CHD9: variants seen among roughly 807,000 people sequenced by gnomAD.
The protein encoded by CHD9 is chromodomain helicase DNA binding protein 9, also known as ATP-dependent chromatin remodeler CHD9.
CHD9 carries 77 observed loss-of-function variants against 316.1 expected under a neutral mutation model. The observed-to-expected ratio is 0.24, with a 90% CI of 0.20 to 0.29. CHD9 has a LOEUF of 0.29. CHD9 is among the 10% of genes least tolerant of loss of function. The pLI is 1.00. For missense variants in CHD9, 2,763 were observed against 3,438.1 expected, an observed-to-expected ratio of 0.80 and a Z score of 4.91; for synonymous variants, 1,129 against 1,158.3, an observed-to-expected ratio of 0.97 and a Z score of 0.51.
At chr16:53,072,606 G>A (rs963328194) in intron 1 of CHD9, among the ~76,000 whole-genome samples, 4 of 151,610 alleles carry the variant, frequency 2.6e-5, no homozygotes, top group Non-Finnish European at 5.9e-5. Flanking sequence ...GAACTCCTGG[G>A]TTCAAGCAAT....
At chr16:53,154,326 A>G (rs1597188169) in intron 1 of CHD9, among the ~76,000 whole-genome samples, 1 of 152,238 alleles carries the variant, frequency 6.6e-6, no homozygotes. Context: ...TACTGATTAT[A>G]AAAACATCTT....
chr16:53,247,306 A>G lies in CHD9; in HGVS notation c.3468A>G (p.Lys1156=), dbSNP rs1814244222. Residue 1156 remains lysine, a synonymous_variant, in exon 16 of 39, where the codon AAA becomes AAG. Transcript: ENST00000447540. ...HPYLIKGAEE[K]ILGEFRDTYN... is the part of the protein sequence containing the mutation. ...TTTCTTTGACAGGTGCTGAGGAGAA[A>G]ATACTTGGAGAATTTAGAGATACTT... 1 of 1,597,776 alleles carries G rather than the reference A, an allele frequency of 6.3e-7. No homozygotes were observed. The highest frequency in any genetic ancestry group is 1.3e-5 in the African/African-American group (1 of 74,882).
At chr16:53,168,152 C>G (rs1351614910) in intron 2 of CHD9, among the ~76,000 whole-genome samples, 2 of 152,028 alleles carry the variant, frequency 1.3e-5, no homozygotes, top group East Asian at 3.9e-4. Context: ...ACCTCCGCCT[C>G]CCGGGTTCGA....
chr16:53,275,860 C>G (rs1341525421), intron 24 of CHD9, among the ~76,000 whole-genome samples: 2 of 150,026 alleles, frequency 1.3e-5, no homozygotes, highest in Admixed American at 1.3e-4. Flanking sequence ...CATTCAACAC[C>G]CTGGTCTCTC....
At chr16:53,068,323 T>A (rs2033704511) in intron 1 of CHD9, among the ~76,000 whole-genome samples, 1 of 152,216 alleles carries the variant, frequency 6.6e-6, no homozygotes, top group Non-Finnish European at 1.5e-5. Context: ...CAAACACCAC[T>A]TTTCAAGGTT....
At position 53,324,862 on chromosome 16, in the gene CHD9, A is replaced by T; in HGVS notation, c.8661A>T (p.Ser2887=). Residue 2887 remains serine, a synonymous_variant, in exon 39 of 39, where the codon TCA becomes TCT. Coordinates refer to ENST00000447540, the MANE Select transcript of CHD9 (RefSeq NM_001308319.2). The stretch of plus-strand genomic sequence containing the variant: ...CTGGATCTGATAGTACATCGTCGTC[A>T]TCTGAGGATTCAGATTCTAGTAATG... The part of the protein sequence containing the change: ...ASSGSDSTSS[S]SEDSDSSNED 1.2e-6 allele frequency: 2 copies of T among 1,603,090 alleles called. No individual in the cohort carries two copies. The highest frequency in any genetic ancestry group is 1.7e-6 in the Non-Finnish European group (2 of 1,175,670).
At chr16:53,182,368 T>A (rs566759512) in intron 2 of CHD9, among the ~76,000 whole-genome samples, 85 of 152,244 alleles carry the variant, frequency 5.6e-4, no homozygotes, top group Non-Finnish European at 8.5e-4. Context: ...CTGATTTTTT[T>A]AAAAAATTTG....
chr16:53,279,482 C>T (rs2053203816), intron 24 of CHD9, among the ~76,000 whole-genome samples: 1 of 152,132 alleles, frequency 6.6e-6, no homozygotes, highest in African/African-American at 2.4e-5. Flanking sequence ...GCACGTTGTG[C>T]ACATGTACCC....
At chr16:53,278,718 CAAAAG>C (rs1323441261) in intron 24 of CHD9, among the ~76,000 whole-genome samples, 2 of 152,226 alleles carry the variant, frequency 1.3e-5, no homozygotes, top group East Asian at 3.9e-4. Context: ...AGACACTTCT[CAAAAG>C]AAGACATTTA....
intron 2 of CHD9, among the ~76,000 whole-genome samples, chr16:53,179,488 A>C (rs1487661975): frequency 6.6e-6 from 1 of 152,150 alleles, no homozygotes; most frequent in African/African-American, 2.4e-5. Flanking sequence ...TTAAAGGGGG[A>C]TCAATAAGTA....
intron 34 of CHD9, among the ~76,000 whole-genome samples, chr16:53,310,230 C>G (rs2056346809): frequency 6.6e-6 from 1 of 152,186 alleles, no homozygotes; most frequent in Non-Finnish European, 1.5e-5. Flanking sequence ...ACCCATGCTT[C>G]TATTACTGTA....
Position 53,267,951 on chromosome 16 carries a change from A to T in CHD9, c.4542A>T (p.Leu1514=), listed in dbSNP as rs1383481907. 1 of 1,613,582 alleles carries T rather than the reference A, an allele frequency of 6.2e-7. No homozygotes were observed. The highest frequency in any genetic ancestry group is 8.5e-7 in the Non-Finnish European group (1 of 1,179,634). ...GGTGGGGCCGATGGAGAGAGATTCT[A>T]TCTCATGGCCGTTTCAAAAGGCAGC... ...VYGWGRWREI[L]SHGRFKRQLN... Residue 1514 remains leucine, a synonymous_variant, in exon 22 of 39, where the codon CTA becomes CTT. Coordinates refer to ENST00000447540, the MANE Select transcript of CHD9 (RefSeq NM_001308319.2).
intron 7 of CHD9, 144 bp from the exon 8 acceptor site, chr16:53,228,839 G>T: frequency 2.0e-6 from 1 of 491,206 alleles, no homozygotes; most frequent in East Asian, 3.2e-5. Flanking sequence ...TTTTAGAAAT[G>T]ATCGTAATTC....
intron 1 of CHD9, among the ~76,000 whole-genome samples, chr16:53,076,605 A>G (rs144008052): frequency 2.6e-5 from 4 of 151,066 alleles, no homozygotes; most frequent in Non-Finnish European, 5.9e-5. Flanking sequence ...GAAAAGAAAA[A>G]ATATATATAT....
At position 53,107,480 on chromosome 16, in the gene CHD9, AAAATAAAAT is replaced by A. The variant is rs1326415069; in HGVS notation, c.-164-48433_-164-48425del. On this transcript the variant is annotated intron_variant, in intron 1 of 38. Coordinates refer to ENST00000447540, the MANE Select transcript of CHD9 (RefSeq NM_001308319.2). ...ATCTCAAAATAAAATAAAATAAAAT[AAAATAAAAT>A]AAATAAAATAAAATAAAATAAAATA... is the stretch of plus-strand genomic sequence containing the variant. Among the ~76,000 whole-genome samples the A allele has an allele frequency of 6.3e-3, 909 of 143,758 alleles. 9 individuals are homozygous for A. Among genetic ancestry groups the A allele is most frequent in the African/African-American group, 0.024 (874 of 36,910 alleles). 94.3% of individuals were successfully genotyped at this position (143,758 alleles called of 152,430 possible).
intron 3 of CHD9, among the ~76,000 whole-genome samples, chr16:53,212,820 C>A (rs1938095038): frequency 6.6e-6 from 1 of 152,132 alleles, no homozygotes; most frequent in African/African-American, 2.4e-5. Flanking sequence ...GCTTTAGGTT[C>A]CTCCTCTGTA....
At chr16:53,293,121 G>C in intron 29 of CHD9, 69 bp downstream of exon 29, 1 of 1,365,192 alleles carries the variant, frequency 7.3e-7, no homozygotes, top group Non-Finnish European at 1.0e-6. Context: ...GCCTGTCTGG[G>C]TACAATTATC....
chr16:53,225,675 G>A (rs2047595012), intron 4 of CHD9, among the ~76,000 whole-genome samples: 1 of 151,946 alleles, frequency 6.6e-6, no homozygotes, highest in Non-Finnish European at 1.5e-5. Flanking sequence ...TATATTTAAG[G>A]AAAGCTACTA....
chr16:53,118,127 A>G (rs575989306), intron 1 of CHD9, among the ~76,000 whole-genome samples: 1 of 152,278 alleles, frequency 6.6e-6, no homozygotes, highest in African/African-American at 2.4e-5. Context: ...ACATGCGGCC[A>G]AGACCTAAAT....
Sources: gnomAD v4.1 joint callset for allele counts (sites outside exome capture counted in the v4.1 genomes callset) on GRCh38, gnomAD v4.1.1 for gene constraint, MANE v1.5 for transcripts, NCBI Gene and HGNC (gene_info 2026-07-23, HGNC 2026-07-21) for gene names.